RHOT1: variants seen among roughly 807,000 people sequenced by gnomAD.
RHOT1 encodes the protein ras homolog family member T1.
RHOT1 carries 27 observed loss-of-function variants against 95.3 expected under a neutral mutation model. The ratio of observed to expected loss-of-function variants is 0.28; its 90% CI spans 0.21 to 0.39. The LOEUF (loss-of-function observed/expected upper bound fraction) is 0.39, where lower values mean the gene tolerates loss of function less well. RHOT1 is among the 10% of genes least tolerant of loss of function. The pLI, the probability that RHOT1 is intolerant of heterozygous loss-of-function variation, is 1.00. For missense variants in RHOT1, 578 were observed against 786.7 expected, an observed-to-expected ratio of 0.73 and a Z score of 3.17; for synonymous variants, 227 against 263.5, an observed-to-expected ratio of 0.86 and a Z score of 1.34.
At chr17:32,202,746 GT>G (rs769514729) in intron 14 of RHOT1, 23 bp from the exon 15 acceptor site, 7 of 1,532,954 alleles carry the variant, frequency 4.6e-6, no homozygotes, top group African/African-American at 1.4e-5. Context: ...ATTTAGTGGG[GT>G]TTTTTATTAT....
At chr17:32,192,332 C>CTT (rs397857197) in intron 9 of RHOT1, 33 bp downstream of exon 9, 2,829 of 541,680 alleles carry the variant, frequency 5.2e-3, no homozygotes, top group South Asian at 0.01. Context: ...ATTTGCGTAT[C>CTT]TTTTTTTTTT....
chr17:32,186,939 C>T (rs9911425), intron 8 of RHOT1, among the ~76,000 whole-genome samples: 5,200 of 152,036 alleles, frequency 0.034, 297 homozygotes, highest in African/African-American at 0.12. Context: ...TGCCTTTGCC[C>T]GCTTTTTAGT....
intron 1 of RHOT1, among the ~76,000 whole-genome samples, chr17:32,164,248 T>C (rs1439679982): frequency 6.6e-6 from 1 of 152,134 alleles, no homozygotes; most frequent in Non-Finnish European, 1.5e-5. Flanking sequence ...ATTTTTTTCT[T>C]TTTTTAGACG....
intron 8 of RHOT1, among the ~76,000 whole-genome samples, chr17:32,191,726 G>C (rs2036504542): frequency 6.6e-6 from 1 of 152,086 alleles, no homozygotes; most frequent in Non-Finnish European, 1.5e-5. Context: ...ACTTGTTTGT[G>C]AATAAGCGTA....
Position 32,212,079 on chromosome 17 carries a change from A to G in RHOT1, c.1862+841A>G, listed in dbSNP as rs201179610. 2.4e-4 allele frequency among the ~76,000 whole-genome samples: 37 copies of G among 152,298 alleles called. No individual in the cohort carries two copies. In the East Asian group the frequency reaches 6.9e-3, roughly 29 times the overall value. ...ATATGTGTATGCATTAGGTTTTTGA[A>G]ATCATTTAAAAGTCTTTGGGAGCTG... is the stretch of plus-strand genomic sequence containing the variant. On this transcript the variant is annotated intron_variant, in intron 19 of 19. Coordinates refer to ENST00000545287, the MANE Select transcript of RHOT1 (RefSeq NM_001033566.3).
chr17:32,168,261 A>G (rs2034274568), intron 1 of RHOT1, among the ~76,000 whole-genome samples: 1 of 152,066 alleles, frequency 6.6e-6, no homozygotes, highest in African/African-American at 2.4e-5. Context: ...ACACACTCAC[A>G]TACACATGCA....
rs1598290634 is a variant in RHOT1, at chr17:32,153,079, G to T, written c.37+10350G>T. On this transcript the variant is annotated intron_variant, in intron 1 of 19. Transcript: ENST00000545287. The stretch of plus-strand genomic sequence containing the variant: ...AGCCTCCCAAAGTGCTGAGATTACA[G>T]GCGTGAGCCGCCTCACTTGGCCTGT... 2.0e-5 allele frequency among the ~76,000 whole-genome samples: 3 copies of T among 152,344 alleles called. No homozygotes were observed. The East Asian group carries it at 5.8e-4, about 29-fold the overall frequency.
intron 18 of RHOT1, chr17:32,209,425 G>C (rs1292908598): frequency 6.2e-7 from 1 of 1,607,568 alleles, no homozygotes; most frequent in South Asian, 1.1e-5. Context: ...GAAAAATCTG[G>C]GTCTTTCTAA....
chr17:32,203,277 T>C (rs1381028433), intron 15 of RHOT1, among the ~76,000 whole-genome samples: 5 of 140,318 alleles, frequency 3.6e-5, no homozygotes, highest in African/African-American at 1.3e-4. Flanking sequence ...TTCTTTTTTT[T>C]TTTTTTTTTT....
intron 1 of RHOT1, chr17:32,143,212 G>A (rs997170859): frequency 1.6e-5 from 7 of 433,468 alleles, no homozygotes; most frequent in African/African-American, 4.1e-5. Context: ...CGGGGAAGCT[G>A]GGGGAGGGGT....
chr17:32,202,486 T>A (rs766277345), intron 14 of RHOT1, among the ~76,000 whole-genome samples: 3 of 152,210 alleles, frequency 2.0e-5, no homozygotes, highest in African/African-American at 7.2e-5. Flanking sequence ...GATATTTTCC[T>A]TATGAAAATA....
chr17:32,142,886 C>G, intron 1 of RHOT1, 157 bp downstream of exon 1: 2 of 767,886 alleles, frequency 2.6e-6, no homozygotes, highest in Admixed American at 2.0e-5. Context: ...CTAGGCCTTC[C>G]AGCCCCTTCA....
At chr17:32,155,495 C>CTTTTTTTTTT (rs767564866) in intron 1 of RHOT1, among the ~76,000 whole-genome samples, 1 of 135,566 alleles carries the variant, frequency 7.4e-6, no homozygotes, top group Admixed American at 7.5e-5. Flanking sequence ...TTCTTTCTTT[C>CTTTTTTTTTT]TTTTTTTTTT....
chr17:32,197,376 G>A (rs113098954), intron 11 of RHOT1, among the ~76,000 whole-genome samples: 6,768 of 149,260 alleles, frequency 0.045, 510 homozygotes, highest in African/African-American at 0.16. Flanking sequence ...TTACAGGTGC[G>A]TGCCACCACA....
intron 2 of RHOT1, among the ~76,000 whole-genome samples, chr17:32,173,560 A>G (rs1351447273): frequency 6.6e-6 from 1 of 152,000 alleles, no homozygotes; most frequent in Non-Finnish European, 1.5e-5. Context: ...TAAAAATACA[A>G]AAATTAGCTG....
chr17:32,146,884 G>A (rs2031430853), intron 1 of RHOT1, among the ~76,000 whole-genome samples: 2 of 148,128 alleles, frequency 1.4e-5, no homozygotes, highest in African/African-American at 5.0e-5. Flanking sequence ...CACCATGTCT[G>A]GCTAATTTTT....
At chr17:32,177,485 G>A (rs932046536) in intron 6 of RHOT1, among the ~76,000 whole-genome samples, 1 of 152,142 alleles carries the variant, frequency 6.6e-6, no homozygotes, top group African/African-American at 2.4e-5. Context: ...GCCAGGTGCG[G>A]TGGCTCACGC....
In RHOT1 at chr17:32,200,779, A is replaced by G. The variant is rs149515930; in HGVS notation, c.1101-177A>G. 5.0e-3 allele frequency among the ~76,000 whole-genome samples: 751 copies of G among 151,598 alleles called. 8 individuals carry two copies. Among genetic ancestry groups the G allele is most frequent in the African/African-American group, 0.017 (696 of 41,018 alleles). On this transcript the variant is annotated intron_variant, in intron 13 of 19. Coordinates refer to ENST00000545287, the MANE Select transcript of RHOT1 (RefSeq NM_001033566.3). ...ACAAAGTAAGGCCCTATCTTTCAAA[A>G]AAAAAAAAAAGAATGGCAGTGTAAG...
chr17:32,169,099 G>T (rs2034358009), intron 1 of RHOT1, among the ~76,000 whole-genome samples: 1 of 152,158 alleles, frequency 6.6e-6, no homozygotes, highest in Non-Finnish European at 1.5e-5. Flanking sequence ...GTACTCGGTT[G>T]TTCATAGCCC....
Sources: gnomAD v4.1 joint callset for allele counts (sites outside exome capture counted in the v4.1 genomes callset) on GRCh38, gnomAD v4.1.1 for gene constraint, MANE v1.5 for transcripts, NCBI Gene and HGNC (gene_info 2026-07-23, HGNC 2026-07-21) for gene names.